Variants in TRPM3 observed in about 807,000 individuals in gnomAD.
The protein encoded by TRPM3 is long transient receptor potential channel 3.
In TRPM3, 77 loss-of-function variants were observed where a neutral mutation model predicts 181.2. The ratio of observed to expected loss-of-function variants is 0.42; its 90% CI spans 0.35 to 0.51. The LOEUF (loss-of-function observed/expected upper bound fraction) is 0.51, where lower values mean the gene tolerates loss of function less well. TRPM3 is among the 20% of genes least tolerant of loss of function. TRPM3 has a pLI of 0.01. For missense variants in TRPM3, 1,759 were observed against 2,196.7 expected (o/e 0.80, Z 3.98); for synonymous variants, 745 against 796.4 (o/e 0.94, Z 1.09).
intron 22 of TRPM3, among the ~76,000 whole-genome samples, chr9:70,558,093 T>A (rs1267837053): frequency 6.6e-6 from 1 of 152,120 alleles, no homozygotes; most frequent in Non-Finnish European, 1.5e-5. Flanking sequence ...ATCAGCTCAA[T>A]AAGCATCAGC....
chr9:71,017,380 A>C (rs180873078), intron 1 of TRPM3, among the ~76,000 whole-genome samples: 2 of 152,152 alleles, frequency 1.3e-5, no homozygotes, highest in Admixed American at 1.3e-4. Flanking sequence ...AAAAATTAAA[A>C]GACCAATATT....
At chr9:71,084,753 T>G (rs1251527415) in intron 1 of TRPM3, among the ~76,000 whole-genome samples, 1 of 151,886 alleles carries the variant, frequency 6.6e-6, no homozygotes, top group African/African-American at 2.4e-5. Flanking sequence ...TGTCATTTTT[T>G]GCAGAACTAG....
At chr9:71,320,150 A>T (rs2089064490) in intron 1 of TRPM3, among the ~76,000 whole-genome samples, 1 of 152,116 alleles carries the variant, frequency 6.6e-6, no homozygotes, top group South Asian at 2.1e-4. Context: ...AAGGTATATT[A>T]AAAAGAACAG....
chr9:70,743,331 A>G (rs2074521216), intron 8 of TRPM3, among the ~76,000 whole-genome samples: 1 of 152,204 alleles, frequency 6.6e-6, no homozygotes, highest in Admixed American at 6.5e-5. Flanking sequence ...CACTACAAGT[A>G]GATATTTTTC....
chr9:71,093,042 C>G (rs2066485807), intron 1 of TRPM3, among the ~76,000 whole-genome samples: 1 of 152,112 alleles, frequency 6.6e-6, no homozygotes, highest in Non-Finnish European at 1.5e-5. Flanking sequence ...ATGCAGAAAA[C>G]AGAAACTGGA....
chr9:71,138,372 G>T (rs1327980249), intron 1 of TRPM3, among the ~76,000 whole-genome samples: 1 of 152,096 alleles, frequency 6.6e-6, no homozygotes, highest in Non-Finnish European at 1.5e-5. Context: ...ATGATCCCGT[G>T]CATACGCTAT....
chr9:71,190,555 A>G (rs2077956589), intron 1 of TRPM3, among the ~76,000 whole-genome samples: 1 of 151,876 alleles, frequency 6.6e-6, no homozygotes, highest in African/African-American at 2.4e-5. Flanking sequence ...ATAATGAGGG[A>G]TGGGCAGGAT....
intron 1 of TRPM3, among the ~76,000 whole-genome samples, chr9:71,208,043 C>T (rs182399845): frequency 1.1e-4 from 16 of 152,188 alleles, no homozygotes; most frequent in African/African-American, 3.6e-4. Context: ...AGAGTAGGGC[C>T]GGAATTATTT....
At chr9:71,353,424 C>T (rs948801780) in intron 1 of TRPM3, among the ~76,000 whole-genome samples, 20 of 152,102 alleles carry the variant, frequency 1.3e-4, no homozygotes, top group African/African-American at 4.8e-4. Context: ...TCCAAGGCCC[C>T]TACTGTCCCC....
chr9:70,579,894 C>T (rs1168297770), intron 22 of TRPM3, among the ~76,000 whole-genome samples: 1 of 152,216 alleles, frequency 6.6e-6, no homozygotes, highest in African/African-American at 2.4e-5. Flanking sequence ...CACTCAGTTG[C>T]CTCATGCTGG....
chr9:71,160,979 C>A (rs2134702074), intron 1 of TRPM3, among the ~76,000 whole-genome samples: 1 of 152,156 alleles, frequency 6.6e-6, no homozygotes, highest in South Asian at 2.1e-4. Context: ...ATCAATTCAG[C>A]CTAATTAAAT....
intron 1 of TRPM3, among the ~76,000 whole-genome samples, chr9:70,898,607 G>C (rs549523765): frequency 1.3e-4 from 19 of 150,428 alleles, no homozygotes; most frequent in Non-Finnish European, 2.4e-4. Flanking sequence ...AATTAGCCAG[G>C]CATGTTTGTG....
At chr9:70,615,338 G>T (rs942641135) in intron 18 of TRPM3, among the ~76,000 whole-genome samples, 1 of 152,236 alleles carries the variant, frequency 6.6e-6, no homozygotes, top group Admixed American at 6.5e-5. Flanking sequence ...TCAGGCGGGG[G>T]TTGCAAGAAG....
chr9:71,405,967 T>C (rs2093428300), intron 1 of TRPM3, among the ~76,000 whole-genome samples: 1 of 152,172 alleles, frequency 6.6e-6, no homozygotes, highest in South Asian at 2.1e-4. Flanking sequence ...TATCGCGTTA[T>C]CTTTTTTCAA....
At chr9:70,861,963 G>T (rs949373216) in intron 3 of TRPM3, among the ~76,000 whole-genome samples, 1 of 151,988 alleles carries the variant, frequency 6.6e-6, no homozygotes, top group Non-Finnish European at 1.5e-5. Context: ...AGGGGAAGAG[G>T]AGAGAGACAG....
intron 1 of TRPM3, among the ~76,000 whole-genome samples, chr9:71,264,271 G>C (rs2083243353): frequency 6.6e-6 from 1 of 152,104 alleles, no homozygotes; most frequent in Admixed American, 6.6e-5. Flanking sequence ...GGAATGGTGT[G>C]CCCCCTCTCA....
chr9:71,357,345 G>A (rs78949497), intron 1 of TRPM3, among the ~76,000 whole-genome samples: 3,614 of 152,202 alleles, frequency 0.024, 119 homozygotes, highest in African/African-American at 0.077. Context: ...TAAAAAGCAT[G>A]TTCACATTCT....
At chr9:71,002,371 T>G (rs77606109) in intron 1 of TRPM3, among the ~76,000 whole-genome samples, 1 of 152,192 alleles carries the variant, frequency 6.6e-6, no homozygotes, top group African/African-American at 2.4e-5. Flanking sequence ...AGCTTTTGAA[T>G]CTTGAAAATA....
rs188842675 is a variant in TRPM3 at position 70,627,674 on chromosome 9, G to A, written c.1633-2157C>T. On this transcript the variant is annotated intron_variant, in intron 12 of 25. Transcript: ENST00000677713. ...GGCTTGGGGTACATGGTAGGCTTGG[G>A]CATCTAACTGGAGCCAGCCAGGCAA... Among the ~76,000 whole-genome samples, 384 of 152,250 alleles carry A rather than the reference G, an allele frequency of 2.5e-3. 2 individuals are homozygous for A. The highest frequency in any genetic ancestry group is 4.4e-3 in the Non-Finnish European group (297 of 68,028).
Sources: allele counts gnomAD v4.1 joint callset (sites outside exome capture counted in the v4.1 genomes callset), GRCh38; gene constraint gnomAD v4.1.1; transcripts MANE v1.5; gene names NCBI Gene and HGNC (gene_info 2026-07-23, HGNC 2026-07-21).